Variants in PPP1R14C observed in about 807,000 individuals in gnomAD.
PPP1R14C encodes the protein protein phosphatase 1 regulatory subunit 14C.
A neutral mutation model predicts 20.4 loss-of-function variants in PPP1R14C; 16 were observed. That is an observed-to-expected ratio of 0.78 (90% confidence interval 0.53 to 1.19). The LOEUF is 1.19. Ranked by LOEUF, PPP1R14C falls within the 50% of genes most tolerant of loss-of-function variation. The pLI, the probability that PPP1R14C is intolerant of heterozygous loss-of-function variation, is 0.00. For missense variants in PPP1R14C, 211 were observed against 220.1 expected, an observed-to-expected ratio of 0.96 and a Z score of 0.26; for synonymous variants, 91 against 91.0, an observed-to-expected ratio of 1.00 and a Z score of 0.00.
intron 1 of PPP1R14C, among the ~76,000 whole-genome samples, chr6:150,158,938 ACACTTTGGATAGAACACATGG>A (rs879466986): frequency 6.6e-6 from 1 of 152,244 alleles, no homozygotes; most frequent in African/African-American, 2.4e-5. Flanking sequence ...AGCAGCCATA[ACACTTTGGATAGAACACATGG>A]CACTTTGGAT....
intron 1 of PPP1R14C, among the ~76,000 whole-genome samples, chr6:150,166,694 T>G (rs1427874440): frequency 2.0e-5 from 3 of 152,156 alleles, no homozygotes; most frequent in Non-Finnish European, 4.4e-5. Context: ...AGAGGCAGCC[T>G]CCTAGCAGGC....
At chr6:150,224,512 A>T (rs1778207153) in intron 3 of PPP1R14C, among the ~76,000 whole-genome samples, 1 of 152,154 alleles carries the variant, frequency 6.6e-6, no homozygotes, top group East Asian at 1.9e-4. Flanking sequence ...TTCTGTCGAG[A>T]TATCCTCAAG....
chr6:150,145,867 A>C (rs1777174718), intron 1 of PPP1R14C, among the ~76,000 whole-genome samples: 1 of 152,230 alleles, frequency 6.6e-6, no homozygotes, highest in South Asian at 2.1e-4. Flanking sequence ...GAATATGAAC[A>C]CATCTTTAAT....
intron 1 of PPP1R14C, among the ~76,000 whole-genome samples, chr6:150,197,503 A>G (rs1777819316): frequency 6.6e-6 from 1 of 152,230 alleles, no homozygotes; most frequent in African/African-American, 2.4e-5. Flanking sequence ...TGAGAAGGGA[A>G]CAGGTGGCGT....
chr6:150,152,276 G>C (rs974622534), intron 1 of PPP1R14C, among the ~76,000 whole-genome samples: 1 of 152,198 alleles, frequency 6.6e-6, no homozygotes, highest in Non-Finnish European at 1.5e-5. Context: ...GCCACATGGC[G>C]GGCAGGTGGC....
chr6:150,192,010 T>G (rs1016426207), intron 1 of PPP1R14C, among the ~76,000 whole-genome samples: 5 of 152,148 alleles, frequency 3.3e-5, no homozygotes, highest in African/African-American at 9.7e-5. Context: ...ATGAGCACCA[T>G]TCCAGATTCT....
chr6:150,171,817 CT>C (rs1395816399), intron 1 of PPP1R14C, among the ~76,000 whole-genome samples: 6 of 151,444 alleles, frequency 4.0e-5, no homozygotes, highest in Non-Finnish European at 7.4e-5. Flanking sequence ...TTTCTTTTTT[CT>C]TTTTTTTGAG....
chr6:150,235,551 T>G (rs1190502215), intron 3 of PPP1R14C, among the ~76,000 whole-genome samples: 1 of 152,234 alleles, frequency 6.6e-6, no homozygotes, highest in African/African-American at 2.4e-5. Context: ...TAGGGGTCCT[T>G]AGCAGTGTCA....
chr6:150,159,417 T>C (rs925265020), intron 1 of PPP1R14C, among the ~76,000 whole-genome samples: 1 of 152,182 alleles, frequency 6.6e-6, no homozygotes, highest in Non-Finnish European at 1.5e-5. Flanking sequence ...AGAAGGCTCA[T>C]GACCTCCATG....
intron 1 of PPP1R14C, among the ~76,000 whole-genome samples, chr6:150,184,422 A>C (rs1187749138): frequency 6.6e-6 from 1 of 152,148 alleles, no homozygotes; most frequent in Non-Finnish European, 1.5e-5. Context: ...CATACCCTAC[A>C]GCCTAGGCAT....
At chr6:150,224,004 C>T (rs190773452) in intron 3 of PPP1R14C, among the ~76,000 whole-genome samples, 13 of 152,290 alleles carry the variant, frequency 8.5e-5, no homozygotes, top group Admixed American at 3.9e-4. Flanking sequence ...GGTCCATGTG[C>T]GATCCATTTG....
At chr6:150,237,387 G>A (rs1035020020) in intron 3 of PPP1R14C, among the ~76,000 whole-genome samples, 3 of 152,064 alleles carry the variant, frequency 2.0e-5, no homozygotes, top group African/African-American at 7.2e-5. Context: ...GTTTTTAGTA[G>A]AGACAGGGTT....
chr6:150,214,960 G>A, intron 2 of PPP1R14C, 133 bp downstream of exon 2: 1 of 626,524 alleles, frequency 1.6e-6, no homozygotes, highest in Middle Eastern at 2.5e-4. Flanking sequence ...TTTGCAGAGA[G>A]GAAAGCAATG....
At chr6:150,241,829 A>T (rs1203954973) in intron 3 of PPP1R14C, among the ~76,000 whole-genome samples, 1 of 152,096 alleles carries the variant, frequency 6.6e-6, no homozygotes, top group African/African-American at 2.4e-5. Flanking sequence ...GGAGGTTGCA[A>T]TGAGCCGAGA....
chr6:150,227,101 T>C (rs184213718), intron 3 of PPP1R14C, among the ~76,000 whole-genome samples: 2 of 152,352 alleles, frequency 1.3e-5, no homozygotes, highest in East Asian at 3.9e-4. Context: ...TCTTTTAAAA[T>C]CATTGTTCAG....
intron 1 of PPP1R14C, among the ~76,000 whole-genome samples, chr6:150,211,265 T>G (rs146341287): frequency 0.028 from 4,225 of 152,322 alleles, 208 homozygotes; most frequent in African/African-American, 0.097. Context: ...TGCCTTGCAC[T>G]CTGCGGACTC....
At chr6:150,235,614 C>T (rs1482683193) in intron 3 of PPP1R14C, among the ~76,000 whole-genome samples, 1 of 152,204 alleles carries the variant, frequency 6.6e-6, no homozygotes, top group Non-Finnish European at 1.5e-5. Flanking sequence ...CTTGATGATT[C>T]TGAGGGCTGC....
chr6:150,248,920 C>CTTTTTT lies in PPP1R14C; in HGVS notation c.*100_*101insTTTTTT, dbSNP rs773053781. 1.7e-6 allele frequency: 1 copy of CTTTTTT among 604,278 alleles called. No homozygotes were observed. 37.4% of individuals were successfully genotyped at this position (604,278 alleles called of 1,614,324 possible). On this transcript the variant is annotated 3_prime_UTR_variant, in exon 4 of 4. Coordinates refer to ENST00000361131, the MANE Select transcript of PPP1R14C (RefSeq NM_030949.3). The stretch of plus-strand genomic sequence containing the variant: ...AAAGAATAGGTGTCCTTATGAACAA[C>CTTTTTT]GTTTTTGTTTTTTTTTTTTTCTTTT...
chr6:150,219,378 G>A (rs1195794412), intron 3 of PPP1R14C, among the ~76,000 whole-genome samples: 1 of 152,020 alleles, frequency 6.6e-6, no homozygotes, highest in Non-Finnish European at 1.5e-5. Flanking sequence ...ACTAAGCCCA[G>A]CTAATTTTTG....
Sources: allele counts gnomAD v4.1 joint callset (sites outside exome capture counted in the v4.1 genomes callset), GRCh38; gene constraint gnomAD v4.1.1; transcripts MANE v1.5; gene names NCBI Gene and HGNC (gene_info 2026-07-23, HGNC 2026-07-21).